The following ABTB3 variants were observed in gnomAD, a reference collection of about 807,000 sequenced individuals.
ABTB3 encodes ankyrin repeat- and BTB/POZ domain-containing protein 3.
the ABTB3 span, among the ~76,000 whole-genome samples, chr12:107,576,644 C>G: frequency 6.6e-6 from 1 of 152,176 alleles, no homozygotes; most frequent in Admixed American, 6.5e-5. Context: ...TTTGGGGGAA[C>G]ACGGTTCAGC....
At chr12:107,472,532 T>G in the ABTB3 span, among the ~76,000 whole-genome samples, 1 of 152,318 alleles carries the variant, frequency 6.6e-6, no homozygotes, top group African/African-American at 2.4e-5. Context: ...TCTCTGTTCT[T>G]CAGTTTACAT....
chr12:107,443,760 G>A, the ABTB3 span, among the ~76,000 whole-genome samples: 56 of 152,316 alleles, frequency 3.7e-4, 1 homozygote, highest in East Asian at 9.3e-3. Context: ...AGGTCTGAGA[G>A]GAGGTGGTGG....
At chr12:107,351,511 C>T in the ABTB3 span, among the ~76,000 whole-genome samples, 3 of 152,160 alleles carry the variant, frequency 2.0e-5, no homozygotes, top group African/African-American at 7.2e-5. Context: ...GCAACTTAAT[C>T]CTCAGTGCAC....
the ABTB3 span, among the ~76,000 whole-genome samples, chr12:107,636,528 C>T: frequency 6.6e-6 from 1 of 152,168 alleles, no homozygotes; most frequent in African/African-American, 2.4e-5. Context: ...AATTAAAAGG[C>T]TGAATTCATG....
chr12:107,547,812 G>A, the ABTB3 span, among the ~76,000 whole-genome samples: 1 of 152,308 alleles, frequency 6.6e-6, no homozygotes, highest in South Asian at 2.1e-4. Context: ...CCATCCTCAT[G>A]AGACTGATGT....
chr12:107,453,513 C>CT, the ABTB3 span, among the ~76,000 whole-genome samples: 1 of 152,164 alleles, frequency 6.6e-6, no homozygotes, highest in African/African-American at 2.4e-5. Flanking sequence ...GAATCGGGCC[C>CT]TTGCCAGACA....
At chr12:107,445,885 C>T in the ABTB3 span, among the ~76,000 whole-genome samples, 3 of 142,712 alleles carry the variant, frequency 2.1e-5, no homozygotes, top group Non-Finnish European at 4.6e-5. Flanking sequence ...CTCCCCTCTC[C>T]CCTCTCCCCT....
chr12:107,519,009 C>A, the ABTB3 span, among the ~76,000 whole-genome samples: 1 of 152,236 alleles, frequency 6.6e-6, no homozygotes. Context: ...CTCACTATAT[C>A]CTCAACCCCA....
At chr12:107,610,886 G>T in the ABTB3 span, among the ~76,000 whole-genome samples, 1 of 152,162 alleles carries the variant, frequency 6.6e-6, no homozygotes, top group East Asian at 1.9e-4. Flanking sequence ...CCAGCAGTCA[G>T]GGAGATACCT....
At chr12:107,609,860 C>T in the ABTB3 span, among the ~76,000 whole-genome samples, 5 of 152,184 alleles carry the variant, frequency 3.3e-5, no homozygotes, top group South Asian at 1.0e-3. Flanking sequence ...TAGGATTTAC[C>T]TCTTGGGTTA....
chr12:107,437,583 G>A, the ABTB3 span, among the ~76,000 whole-genome samples: 1 of 151,846 alleles, frequency 6.6e-6, no homozygotes, highest in East Asian at 1.9e-4. Flanking sequence ...TTGTTTTTTA[G>A]TAAAGACGGG....
chr12:107,639,896 C>T, the ABTB3 span, among the ~76,000 whole-genome samples: 2 of 152,110 alleles, frequency 1.3e-5, no homozygotes, highest in African/African-American at 4.8e-5. Flanking sequence ...TGTCACTGAC[C>T]CTGATAGGGA....
At chr12:107,542,989 T>C in the ABTB3 span, among the ~76,000 whole-genome samples, 1 of 152,150 alleles carries the variant, frequency 6.6e-6, no homozygotes, top group African/African-American at 2.4e-5. Context: ...TCCAAGTAGT[T>C]CCAGCCTGCA....
chr12:107,425,229 T>C, the ABTB3 span, among the ~76,000 whole-genome samples: 1 of 152,298 alleles, frequency 6.6e-6, no homozygotes, highest in Admixed American at 6.5e-5. Flanking sequence ...AGTGCCATTT[T>C]CCCTTTGTCT....
the ABTB3 span, among the ~76,000 whole-genome samples, chr12:107,439,321 A>G: frequency 6.6e-6 from 1 of 152,182 alleles, no homozygotes; most frequent in African/African-American, 2.4e-5. Context: ...ATAGGAAGGA[A>G]GCACTCAGAC....
chr12:107,331,335 C>A, the ABTB3 span, among the ~76,000 whole-genome samples: 7 of 152,156 alleles, frequency 4.6e-5, no homozygotes, highest in Non-Finnish European at 7.4e-5. Context: ...AGGCTTGAGG[C>A]GGGTTTAGTT....
chr12:107,538,078 G>A, the ABTB3 span, among the ~76,000 whole-genome samples: 118 of 152,224 alleles, frequency 7.8e-4, 2 homozygotes, highest in South Asian at 0.018. Flanking sequence ...TATGCCCACC[G>A]AGAATGCCAC....
the ABTB3 span, among the ~76,000 whole-genome samples, chr12:107,612,195 G>A: frequency 7.8e-4 from 118 of 152,190 alleles, no homozygotes; most frequent in Non-Finnish European, 1.4e-3. Flanking sequence ...GAGATGCTTC[G>A]TTTATAGAAG....
chr12:107,483,963 A>G, the ABTB3 span, among the ~76,000 whole-genome samples: 3 of 152,116 alleles, frequency 2.0e-5, no homozygotes, highest in Non-Finnish European at 4.4e-5. Context: ...AAATGCTGAG[A>G]TTACAGGCAG....
Sources: gnomAD v4.1 joint callset for allele counts (sites outside exome capture counted in the v4.1 genomes callset) on GRCh38, gnomAD v4.1.1 for gene constraint, MANE v1.5 for transcripts, NCBI Gene and HGNC (gene_info 2026-07-23, HGNC 2026-07-21) for gene names.